ANK3: variants seen among roughly 807,000 people sequenced by gnomAD.
ANK3 encodes the protein ankyrin-3.
Under a neutral mutation model 370.9 loss-of-function variants are expected in ANK3, and 57 were observed. The ratio of observed to expected loss-of-function variants is 0.15; its 90% confidence interval spans 0.12 to 0.19. The LOEUF is 0.19. Among genes scored for constraint, ANK3 ranks in the 10% least tolerant of loss-of-function variants. The probability of loss-of-function intolerance (pLI) is 1.00; values close to 1 mark genes in which losing one functional copy is unlikely to be tolerated. For missense variants in ANK3, 4,439 were observed against 5,302.1 expected (o/e 0.84, Z 5.06); for synonymous variants, 1,929 against 1,946.3 (o/e 0.99, Z 0.23).
At chr10:60,537,739 T>C (rs1331747021) in intron 2 of ANK3, among the ~76,000 whole-genome samples, 1 of 151,906 alleles carries the variant, frequency 6.6e-6, no homozygotes, top group Non-Finnish European at 1.5e-5. Flanking sequence ...TTTCACAAAT[T>C]AAAAATTCAT....
At chr10:60,177,593 C>CTTTTTTTTTTTTTTTTTTTTTTT (rs771714886) in intron 18 of ANK3, among the ~76,000 whole-genome samples, 1 of 106,252 alleles carries the variant, frequency 9.4e-6, no homozygotes, top group Non-Finnish European at 1.8e-5. Flanking sequence ...GTCTTCAAAT[C>CTTTTTTTTTTTTTTTTTTTTTTT]TTTTTTTTTT....
At chr10:60,137,163 T>C (rs931257177) in intron 24 of ANK3, among the ~76,000 whole-genome samples, 1 of 152,008 alleles carries the variant, frequency 6.6e-6, no homozygotes, top group African/African-American at 2.4e-5. Flanking sequence ...TTATATACTT[T>C]CTACTTTTCT....
At chr10:60,358,147 A>C (rs1315279835) in intron 1 of ANK3, among the ~76,000 whole-genome samples, 1 of 150,268 alleles carries the variant, frequency 6.7e-6, no homozygotes, top group African/African-American at 2.5e-5. Context: ...CACACACCCA[A>C]AACTTCTCTC....
chr10:60,680,039 G>T (rs1488494325), intron 1 of ANK3, among the ~76,000 whole-genome samples: 1 of 149,842 alleles, frequency 6.7e-6, no homozygotes, highest in African/African-American at 2.5e-5. Context: ...GGAGGTGGAG[G>T]CACAAGAATC....
At chr10:60,104,371 A>C (rs1170674299) in intron 28 of ANK3, among the ~76,000 whole-genome samples, 1 of 95,252 alleles carries the variant, frequency 1.0e-5, no homozygotes, top group Non-Finnish European at 2.1e-5. Flanking sequence ...AAAAAAAAAA[A>C]AAAAAAAAAA....
chr10:60,253,720 C>T (rs2097698626), intron 7 of ANK3, among the ~76,000 whole-genome samples: 1 of 152,150 alleles, frequency 6.6e-6, no homozygotes, highest in Admixed American at 6.5e-5. Flanking sequence ...TATTCCTTTG[C>T]TAAGGCTCTC....
upstream of ANK3, chr10:60,733,507 A>G (rs1341847921): frequency 3.7e-5 from 17 of 461,264 alleles, no homozygotes; most frequent in Non-Finnish European, 5.5e-5. Context: ...TGCGACCGCC[A>G]GGTGCCCGCG....
chr10:60,336,245 G>A (rs1165906775), intron 1 of ANK3, among the ~76,000 whole-genome samples: 2 of 152,078 alleles, frequency 1.3e-5, no homozygotes, highest in African/African-American at 4.8e-5. Context: ...TAATTAGGCT[G>A]GGAGAGAGTT....
intron 2 of ANK3, among the ~76,000 whole-genome samples, chr10:60,488,702 CTTTG>C (rs2075413118): frequency 6.6e-6 from 1 of 152,098 alleles, no homozygotes; most frequent in South Asian, 2.1e-4. Flanking sequence ...ACTTCTTTCA[CTTTG>C]TTTAATGCTT....
intron 1 of ANK3, among the ~76,000 whole-genome samples, chr10:60,675,802 C>T (rs994319686): frequency 3.9e-5 from 6 of 152,142 alleles, no homozygotes; most frequent in African/African-American, 1.4e-4. Context: ...CAAATGGACT[C>T]CAGTCCCAAA....
intron 2 of ANK3, among the ~76,000 whole-genome samples, chr10:60,396,053 G>T (rs779128957): frequency 3.3e-5 from 5 of 152,090 alleles, no homozygotes; most frequent in African/African-American, 9.7e-5. Context: ...CTCCCTTTAC[G>T]CCCTGGCTAC....
chr10:60,220,421 C>T (rs2097027320), intron 8 of ANK3, among the ~76,000 whole-genome samples: 1 of 152,184 alleles, frequency 6.6e-6, no homozygotes, highest in Non-Finnish European at 1.5e-5. Flanking sequence ...ATGCCTCATT[C>T]TGCCCTCCTC....
chr10:60,394,454 A>C (rs191346723), upstream of ANK3, among the ~76,000 whole-genome samples: 1 of 152,158 alleles, frequency 6.6e-6, no homozygotes, highest in Non-Finnish European at 1.5e-5. Flanking sequence ...CTTAGCACTT[A>C]GTCTGCCCTC....
intron 1 of ANK3, among the ~76,000 whole-genome samples, chr10:60,293,972 A>G (rs964835249): frequency 6.6e-6 from 1 of 152,258 alleles, no homozygotes; most frequent in African/African-American, 2.4e-5. Flanking sequence ...GAATCAGAAC[A>G]AGGATTTCAG....
intron 2 of ANK3, among the ~76,000 whole-genome samples, chr10:60,541,182 A>G (rs1388180361): frequency 6.6e-6 from 1 of 152,014 alleles, no homozygotes; most frequent in East Asian, 1.9e-4. Flanking sequence ...GTATGCGTGC[A>G]CATTTACATA....
intron 2 of ANK3, among the ~76,000 whole-genome samples, chr10:60,500,133 A>G (rs1046190735): frequency 6.6e-6 from 1 of 152,170 alleles, no homozygotes; most frequent in African/African-American, 2.4e-5. Context: ...GGTTGATGTC[A>G]GGTCTTAATA....
At chr10:60,505,033 G>T (rs928506331) in intron 2 of ANK3, among the ~76,000 whole-genome samples, 9 of 152,148 alleles carry the variant, frequency 5.9e-5, no homozygotes, top group African/African-American at 9.6e-5. Flanking sequence ...TTTTAGACAC[G>T]TATATGAAGC....
intron 2 of ANK3, among the ~76,000 whole-genome samples, chr10:60,540,137 T>C (rs2076814486): frequency 6.6e-6 from 1 of 151,822 alleles, no homozygotes; most frequent in African/African-American, 2.4e-5. Context: ...CACAGACCAA[T>C]AAAACATTCT....
intron 1 of ANK3, among the ~76,000 whole-genome samples, chr10:60,310,926 T>C (rs568484382): frequency 7.7e-4 from 117 of 152,276 alleles, no homozygotes; most frequent in Non-Finnish European, 3.8e-4. Context: ...CTGGTGCATG[T>C]CATGTGTTTC....
Sources: allele counts gnomAD v4.1 joint callset (sites outside exome capture counted in the v4.1 genomes callset), GRCh38; gene constraint gnomAD v4.1.1; transcripts MANE v1.5; gene names NCBI Gene and HGNC (gene_info 2026-07-23, HGNC 2026-07-21).